SLC13A3: variants seen among roughly 807,000 people sequenced by gnomAD.
The protein encoded by SLC13A3 is solute carrier family 13 member 3.
A neutral mutation model predicts 59.0 loss-of-function variants in SLC13A3; 40 were observed. The observed-to-expected ratio is 0.68, with a 90% confidence interval of 0.53 to 0.88. The LOEUF (loss-of-function observed/expected upper bound fraction) is 0.88, where lower values mean the gene tolerates loss of function less well. Among genes scored for constraint, SLC13A3 ranks in the 40% least tolerant of loss-of-function variants. The probability of loss-of-function intolerance (pLI) is 0.00; values close to 1 mark genes in which losing one functional copy is unlikely to be tolerated. For synonymous variants in SLC13A3, 317 were observed against 330.3 expected, an observed-to-expected ratio of 0.96 and a Z score of 0.44; for missense variants, 699 against 783.2, an observed-to-expected ratio of 0.89 and a Z score of 1.28.
chr20:46,651,193 A>C, intron 1 of SLC13A3, 118 bp downstream of exon 1: 4 of 1,351,118 alleles, frequency 3.0e-6, no homozygotes, highest in Non-Finnish European at 2.8e-6. Context: ...AGGGAAGGCG[A>C]GGGGGTCTGG....
At chr20:46,622,620 G>A (rs1264908300) in intron 1 of SLC13A3, among the ~76,000 whole-genome samples, 1 of 56,348 alleles carries the variant, frequency 1.8e-5, no homozygotes, top group Non-Finnish European at 3.3e-5. Flanking sequence ...TGTGGTGTGT[G>A]CGTGTGTGTG....
intron 2 of SLC13A3, among the ~76,000 whole-genome samples, chr20:46,610,919 C>T (rs1167874435): frequency 6.6e-6 from 1 of 152,024 alleles, no homozygotes; most frequent in Non-Finnish European, 1.5e-5. Flanking sequence ...CACCAAGACA[C>T]TCCACTATCT....
In SLC13A3 at chr20:46,629,119, T is replaced by C. The variant is rs960872849; in HGVS notation, c.112-15394A>G. ...AAATTTGGATTTCTTTCTTATATGCTCTATTTTCCAAACTTCAACAACAAA... is the reference window on the plus strand; with the variant it reads ...AAATTTGGATTTCTTTCTTATATGCCCTATTTTCCAAACTTCAACAACAAA... On this transcript the variant is annotated intron_variant, in intron 1 of 12. Coordinates refer to ENST00000279027, the MANE Select transcript of SLC13A3 (RefSeq NM_022829.6). Among the ~76,000 whole-genome samples, 10 of 152,268 alleles carry C rather than the reference T, an allele frequency of 6.6e-5. 1 individual carries two copies. In the East Asian group the frequency reaches 1.9e-3, roughly 29 times the overall value.
intron 4 of SLC13A3, 73 bp downstream of exon 4, chr20:46,599,898 C>A: frequency 8.4e-7 from 1 of 1,194,044 alleles, no homozygotes; most frequent in Non-Finnish European, 1.2e-6. Flanking sequence ...AAATGGTTTG[C>A]AGCATTGAAT....
At chr20:46,578,460 G>A (rs2062100807) in intron 9 of SLC13A3, among the ~76,000 whole-genome samples, 1 of 151,800 alleles carries the variant, frequency 6.6e-6, no homozygotes, top group Non-Finnish European at 1.5e-5. Context: ...CGGGTCACCT[G>A]AGGTCAGGAG....
intron 1 of SLC13A3, among the ~76,000 whole-genome samples, chr20:46,616,237 G>A (rs893395380): frequency 1.5e-4 from 23 of 152,104 alleles, no homozygotes; most frequent in Admixed American, 1.4e-3. Flanking sequence ...CCAGCCCTTT[G>A]TTCAAGCAAA....
chr20:46,615,425 G>A (rs182375751), intron 1 of SLC13A3, among the ~76,000 whole-genome samples: 8 of 152,286 alleles, frequency 5.3e-5, no homozygotes, highest in Admixed American at 1.3e-4. Flanking sequence ...CCATCTTACA[G>A]GGAGGCCAGG....
rs368855925 is a variant in SLC13A3 at position 46,592,565 on chromosome 20, C to T, written c.795-36G>A. ...GCGGGAGATGAGAACAGGCCAAGGG[C>T]AGCCATGCCCATTTTGGGAGTGGGA... On this transcript the variant is annotated intron_variant, in intron 5 of 12. Transcript: ENST00000279027. The T allele has an allele frequency of 3.8e-4, 619 of 1,610,640 alleles. 1 individual carries two copies. Among genetic ancestry groups the T allele is most frequent in the Admixed American group, 8.9e-4 (53 of 59,838 alleles).
intron 10 of SLC13A3, among the ~76,000 whole-genome samples, chr20:46,567,216 T>C (rs759601504): frequency 6.6e-6 from 1 of 152,132 alleles, no homozygotes; most frequent in Non-Finnish European, 1.5e-5. Flanking sequence ...TGTATTTGTA[T>C]ATATACACAC....
chr20:46,656,580 A>C (rs541735590), intron 1 of SLC13A3, among the ~76,000 whole-genome samples: 7 of 146,384 alleles, frequency 4.8e-5, no homozygotes, highest in South Asian at 2.1e-4. Flanking sequence ...TATACAGTAC[A>C]TATATTATAC....
At chr20:46,567,001 C>G (rs921112999) in intron 10 of SLC13A3, among the ~76,000 whole-genome samples, 1 of 151,874 alleles carries the variant, frequency 6.6e-6, no homozygotes, top group Non-Finnish European at 1.5e-5. Flanking sequence ...GTCAGGAGTT[C>G]GAGACCAGGC....
intron 1 of SLC13A3, among the ~76,000 whole-genome samples, chr20:46,632,028 C>A (rs2062743719): frequency 6.6e-6 from 1 of 152,146 alleles, no homozygotes; most frequent in African/African-American, 2.4e-5. Flanking sequence ...CTGCAGCTGG[C>A]ATTTTTGTCA....
At chr20:46,664,237 A>T (rs191442385) in intron 1 of SLC13A3, among the ~76,000 whole-genome samples, 1 of 152,230 alleles carries the variant, frequency 6.6e-6, no homozygotes, top group African/African-American at 2.4e-5. Flanking sequence ...AATCTAATTC[A>T]TCCTTTGCCA....
chr20:46,648,920 C>CACACACACACACACACACAT (rs2062924023), intron 1 of SLC13A3, among the ~76,000 whole-genome samples: 1 of 135,032 alleles, frequency 7.4e-6, no homozygotes, highest in African/African-American at 3.1e-5. Flanking sequence ...CTCTCTCACA[C>CACACACACACACACACACAT]ACACACACAC....
chr20:46,668,302 G>A (rs540709493), intron 1 of SLC13A3, among the ~76,000 whole-genome samples: 2 of 152,316 alleles, frequency 1.3e-5, no homozygotes, highest in East Asian at 3.9e-4. Context: ...AAAAGTTCTG[G>A]AAGGAAATTA....
chr20:46,599,248 A>T (rs1568929122), intron 4 of SLC13A3, among the ~76,000 whole-genome samples: 1 of 152,260 alleles, frequency 6.6e-6, no homozygotes. Flanking sequence ...CCCAATAAAT[A>T]TTAGTGAATG....
chr20:46,603,114 G>T (rs1309906817), intron 3 of SLC13A3, among the ~76,000 whole-genome samples: 1 of 151,822 alleles, frequency 6.6e-6, no homozygotes, highest in Non-Finnish European at 1.5e-5. Context: ...GGAGGTGGAG[G>T]TTACGGTGAG....
chr20:46,632,505 T>C (rs534558650), intron 1 of SLC13A3, among the ~76,000 whole-genome samples: 74 of 149,128 alleles, frequency 5.0e-4, no homozygotes, highest in African/African-American at 1.7e-3. Flanking sequence ...GAAAGAGCCA[T>C]GGACAGGGAG....
intron 3 of SLC13A3, chr20:46,600,628 A>G: frequency 2.1e-6 from 1 of 465,318 alleles, no homozygotes; most frequent in Non-Finnish European, 4.5e-6. Context: ...CCAGCTATGA[A>G]TGGTAATGAG....
Sources: allele counts gnomAD v4.1 joint callset (sites outside exome capture counted in the v4.1 genomes callset), GRCh38; gene constraint gnomAD v4.1.1; transcripts MANE v1.5; gene names NCBI Gene and HGNC (gene_info 2026-07-23, HGNC 2026-07-21).